PLEKHG1: variants seen among roughly 807,000 people sequenced by gnomAD.
PLEKHG1 encodes pleckstrin homology and RhoGEF domain containing G1.
A neutral mutation model predicts 100.8 loss-of-function variants in PLEKHG1; 44 were observed. That is an observed-to-expected ratio of 0.44 (90% confidence interval 0.34 to 0.56). The LOEUF (loss-of-function observed/expected upper bound fraction) is 0.56, where lower values mean the gene tolerates loss of function less well. Among genes scored for constraint, PLEKHG1 ranks in the 20% least tolerant of loss-of-function variants. PLEKHG1 has a pLI of 0.01. For missense variants in PLEKHG1, 1,545 were observed against 1,720.9 expected (o/e 0.90, Z 1.81); for synonymous variants, 640 against 662.5 (o/e 0.97, Z 0.52).
At chr6:150,761,495 CG>C (rs1460082449) in intron 2 of PLEKHG1, among the ~76,000 whole-genome samples, 1 of 151,848 alleles carries the variant, frequency 6.6e-6, no homozygotes, top group Non-Finnish European at 1.5e-5. Context: ...TTTGTAGAGA[CG>C]GGGTTTCAGG....
At chr6:150,601,717 C>T (rs1335546681) in intron 1 of PLEKHG1, among the ~76,000 whole-genome samples, 1 of 152,186 alleles carries the variant, frequency 6.6e-6, no homozygotes. Flanking sequence ...AATGGCTGCA[C>T]GACCTTCCCC....
At chr6:150,655,705 C>CT (rs1778938207) in intron 3 of PLEKHG1, among the ~76,000 whole-genome samples, 1 of 89,664 alleles carries the variant, frequency 1.1e-5, no homozygotes, top group Non-Finnish European at 2.0e-5. Flanking sequence ...GAGACTCCAT[C>CT]TCAAAAAAAA....
intron 1 of PLEKHG1, chr6:150,626,093 A>G (rs1777496146): frequency 6.7e-6 from 1 of 150,108 alleles, no homozygotes; most frequent in Admixed American, 6.6e-5. Context: ...GGGGGTGATG[A>G]AAAAACTGCA....
At chr6:150,804,563 G>C in intron 6 of PLEKHG1, 47 bp from the exon 8 acceptor site, 1 of 1,470,368 alleles carries the variant, frequency 6.8e-7, no homozygotes. Flanking sequence ...CTGTCTATAT[G>C]AAAATAAAAT....
chr6:150,614,622 T>A lies in PLEKHG1; in HGVS notation c.-204+14605T>A, dbSNP rs6940412. Among the ~76,000 whole-genome samples the A allele has an allele frequency of 5.0e-3, 759 of 152,126 alleles. 7 individuals carry two copies. Among genetic ancestry groups the A allele is most frequent in the African/African-American group, 0.018 (730 of 41,506 alleles). On this transcript the variant is annotated intron_variant, in intron 1 of 3. Transcript: ENST00000367326. ...CAAAGGGCTACCAAGCAGAAGTTGGTCCTCAACAGTGTCATCTCCCCAGGC... is the reference window on the plus strand; with the variant it reads ...CAAAGGGCTACCAAGCAGAAGTTGGACCTCAACAGTGTCATCTCCCCAGGC...
At chr6:150,839,071 G>A (rs1777377983) in intron 15 of PLEKHG1, among the ~76,000 whole-genome samples, 2 of 152,246 alleles carry the variant, frequency 1.3e-5, no homozygotes, top group Middle Eastern at 3.4e-3. Flanking sequence ...TGGGAAGCCA[G>A]GGGTAGCCAT....
rs1274706705 is a variant in PLEKHG1, at chr6:150,683,059, C to T, written c.-99+32273C>T. ...GCATCTTAACAGTTGACAACTACATCATCACAGCTTGACACACGTTTCTTC... is the reference window on the plus strand; with the variant it reads ...GCATCTTAACAGTTGACAACTACATTATCACAGCTTGACACACGTTTCTTC... On this transcript the variant is annotated intron_variant, in intron 3 of 3. Coordinates refer to the PLEKHG1 transcript ENST00000367326. This position sits in a 1 kb window ranked among gnomAD's most constrained non-coding sequence, Gnocchi z 4.0. Among the ~76,000 whole-genome samples the T allele has an allele frequency of 6.6e-6, 1 of 152,218 alleles. No individual in the cohort carries two copies. Among genetic ancestry groups the T allele is most frequent in the Non-Finnish European group, 1.5e-5 (1 of 68,050 alleles).
chr6:150,818,057 T>C (rs1776083143), intron 10 of PLEKHG1, 126 bp from the exon 12 acceptor site: 1 of 783,604 alleles, frequency 1.3e-6, no homozygotes, highest in African/African-American at 1.7e-5. Context: ...ATGCTTAACA[T>C]AAATAGCGAG....
chr6:150,792,590 C>T (rs1359243168), intron 4 of PLEKHG1, among the ~76,000 whole-genome samples: 1 of 151,940 alleles, frequency 6.6e-6, no homozygotes, highest in Non-Finnish European at 1.5e-5. Context: ...AGGAGAGTCA[C>T]TTGAACCCAA....
intron 2 of PLEKHG1, among the ~76,000 whole-genome samples, chr6:150,745,436 A>G (rs910634588): frequency 6.6e-6 from 1 of 152,174 alleles, no homozygotes; most frequent in Non-Finnish European, 1.5e-5. Flanking sequence ...TGGCTCATGC[A>G]CTGTGGGAGG....
chr6:150,817,401 A>G (rs1490781629), intron 10 of PLEKHG1, among the ~76,000 whole-genome samples: 1 of 152,158 alleles, frequency 6.6e-6, no homozygotes, highest in East Asian at 1.9e-4. Flanking sequence ...GAGGAAAGAC[A>G]ACAATGAGAG....
intron 3 of PLEKHG1, among the ~76,000 whole-genome samples, 189 bp from the exon 5 acceptor site, chr6:150,786,201 C>T (rs371259237): frequency 6.6e-6 from 1 of 152,116 alleles, no homozygotes; most frequent in East Asian, 1.9e-4. Flanking sequence ...GGGTTTAATC[C>T]CCTGCTCCAC....
chr6:150,820,353 G>A (rs990694292), intron 12 of PLEKHG1, among the ~76,000 whole-genome samples: 2 of 152,132 alleles, frequency 1.3e-5, no homozygotes, highest in Admixed American at 1.3e-4. Flanking sequence ...CACGTCCTAT[G>A]AGTGACACAC....
At chr6:150,742,083 A>C (rs1230283348) in intron 2 of PLEKHG1, among the ~76,000 whole-genome samples, 2 of 152,174 alleles carry the variant, frequency 1.3e-5, no homozygotes, top group African/African-American at 4.8e-5. Context: ...CACAGTAACT[A>C]TATTAGGCCA....
chr6:150,599,915 G>T (rs1776256759), exon 1 of PLEKHG1: 2 of 190,208 alleles, frequency 1.1e-5, no homozygotes, highest in South Asian at 7.6e-5. Context: ...GCCCGACGGC[G>T]GCTGCAGGGC....
rs997701209 is a variant in PLEKHG1, at chr6:150,773,684, G to C, written c.512+4946G>C. Among the ~76,000 whole-genome samples, 9 of 152,168 alleles carry C rather than the reference G, an allele frequency of 5.9e-5. 1 individual carries two copies. In the South Asian group the frequency reaches 1.5e-3, roughly 25 times the overall value. ...CTTCAACACTGGCTTAGATTTTCTT[G>C]ACTCTGCCCTGTCAAGGAATTTTTT... On this transcript the variant is annotated intron_variant, in intron 3 of 15. Transcript: ENST00000358517.
intron 3 of PLEKHG1, among the ~76,000 whole-genome samples, chr6:150,659,589 G>A (rs1388082151): frequency 6.6e-6 from 1 of 152,198 alleles, no homozygotes; most frequent in Non-Finnish European, 1.5e-5. Flanking sequence ...GTCAAATGGA[G>A]CTATGGAGCA....
chr6:150,747,830 G>A (rs374169300), intron 2 of PLEKHG1, among the ~76,000 whole-genome samples: 2 of 151,854 alleles, frequency 1.3e-5, no homozygotes, highest in African/African-American at 4.8e-5. Flanking sequence ...CAGGAGGTGG[G>A]GGTTGCAGTG....
rs757946901 is a variant in PLEKHG1, at chr6:150,809,485, C to T, written c.1191+9C>T. 4.9e-5 allele frequency: 78 copies of T among 1,608,012 alleles called. 1 individual carries two copies. Among genetic ancestry groups the T allele is most frequent in the South Asian group, 1.4e-4 (13 of 90,956 alleles). ...TGCAGCACACAGTCCAGGTAGCAGC[C>T]GGGCCCTGGCCTCTCCGCAAGGCCC... On this transcript the variant is annotated intron_variant, in intron 9 of 15. Coordinates refer to ENST00000358517, the Ensembl canonical transcript of PLEKHG1.
Sources: gnomAD v4.1 joint callset for allele counts (sites outside exome capture counted in the v4.1 genomes callset) on GRCh38, gnomAD v4.1.1 for gene constraint, Gnocchi (gnomAD v3.1) non-coding constraint, MANE v1.5 for transcripts, NCBI Gene and HGNC (gene_info 2026-07-23, HGNC 2026-07-21) for gene names.